GUCY1A2: variants seen among roughly 807,000 people sequenced by gnomAD.
GUCY1A2 encodes the protein guanylate cyclase soluble subunit alpha-2.
Under a neutral mutation model 63.5 loss-of-function variants are expected in GUCY1A2, and 27 were observed. The observed-to-expected ratio is 0.43, with a 90% CI of 0.31 to 0.59. GUCY1A2 has a LOEUF of 0.59. GUCY1A2 is among the 20% of genes least tolerant of loss of function. The pLI, the probability that GUCY1A2 is intolerant of heterozygous loss-of-function variation, is 0.11. For synonymous variants in GUCY1A2, 364 were observed against 343.5 expected (o/e 1.06, Z -0.66); for missense variants, 768 against 913.3 (o/e 0.84, Z 2.05).
At chr11:106,743,594 T>C (rs913460706) in intron 6 of GUCY1A2, among the ~76,000 whole-genome samples, 8 of 152,226 alleles carry the variant, frequency 5.3e-5, no homozygotes, top group Admixed American at 6.5e-5. Context: ...TTTCCATGAC[T>C]AGAGGGCGGG....
intron 3 of GUCY1A2, among the ~76,000 whole-genome samples, chr11:106,949,148 T>G (rs1343418111): frequency 6.6e-6 from 1 of 152,194 alleles, no homozygotes; most frequent in Non-Finnish European, 1.5e-5. Context: ...TGCTAGTCTC[T>G]CTATCCTAAA....
chr11:106,794,956 A>T (rs1006970483), intron 5 of GUCY1A2, among the ~76,000 whole-genome samples: 17 of 152,176 alleles, frequency 1.1e-4, no homozygotes, highest in African/African-American at 4.1e-4. Context: ...CTCCAGATGG[A>T]GTCAATTGCT....
intron 1 of GUCY1A2, among the ~76,000 whole-genome samples, chr11:107,009,738 C>A (rs531336005): frequency 6.6e-6 from 1 of 152,276 alleles, no homozygotes; most frequent in South Asian, 2.1e-4. Flanking sequence ...CCACCTTTAT[C>A]CCTAACCCAG....
rs544180593 is a variant in GUCY1A2, at chr11:107,007,422, C to T, written c.303+10331G>A. On this transcript the variant is annotated intron_variant, in intron 1 of 7. Coordinates refer to ENST00000526355, the MANE Select transcript of GUCY1A2 (RefSeq NM_000855.3). ...GTCTTTGGATTATTGCAGCTTTCCC[C>T]GTTTGGACATTCACTCATTATTCCT... 4.1e-4 allele frequency among the ~76,000 whole-genome samples: 62 copies of T among 152,272 alleles called. 2 individuals are homozygous for T. The South Asian group carries it at 0.011, about 28-fold the overall frequency.
intron 6 of GUCY1A2, among the ~76,000 whole-genome samples, chr11:106,731,105 T>C (rs1443994118): frequency 6.6e-6 from 1 of 152,056 alleles, no homozygotes; most frequent in Non-Finnish European, 1.5e-5. Flanking sequence ...TAATTAGATC[T>C]CCTTTGTCAA....
At chr11:106,823,233 T>C (rs1189822381) in intron 4 of GUCY1A2, among the ~76,000 whole-genome samples, 8 of 152,128 alleles carry the variant, frequency 5.3e-5, no homozygotes, top group Non-Finnish European at 1.0e-4. Flanking sequence ...TTTTCATTCC[T>C]CAGAGCCCTC....
intron 4 of GUCY1A2, among the ~76,000 whole-genome samples, chr11:106,828,316 T>A (rs1383642662): frequency 6.6e-6 from 1 of 152,058 alleles, no homozygotes; most frequent in Non-Finnish European, 1.5e-5. Context: ...TTTTTAAGGA[T>A]TTTTATAGTT....
intron 3 of GUCY1A2, among the ~76,000 whole-genome samples, chr11:106,958,844 C>T (rs982695393): frequency 6.6e-6 from 1 of 152,178 alleles, no homozygotes; most frequent in African/African-American, 2.4e-5. Context: ...CTAGCATATA[C>T]ACCTCAAACT....
At chr11:106,845,153 A>C (rs7943998) in intron 4 of GUCY1A2, among the ~76,000 whole-genome samples, 47,990 of 151,466 alleles carry the variant, frequency 0.32, 8,190 homozygotes, top group East Asian at 0.41. Flanking sequence ...TGTTTTGAAA[A>C]ATTATCAATG....
chr11:107,005,363 A>G (rs1861658648), intron 1 of GUCY1A2, among the ~76,000 whole-genome samples: 1 of 152,154 alleles, frequency 6.6e-6, no homozygotes, highest in African/African-American at 2.4e-5. Flanking sequence ...AGCCTTGACC[A>G]CATGGGCTCA....
At chr11:106,951,590 T>G (rs1201423503) in intron 3 of GUCY1A2, among the ~76,000 whole-genome samples, 1 of 152,242 alleles carries the variant, frequency 6.6e-6, no homozygotes, top group African/African-American at 2.4e-5. Context: ...TGGGGTTGTT[T>G]GGTTTTGTTT....
At chr11:106,911,704 G>T (rs1289457748) in intron 4 of GUCY1A2, among the ~76,000 whole-genome samples, 1 of 151,990 alleles carries the variant, frequency 6.6e-6, no homozygotes, top group Non-Finnish European at 1.5e-5. Flanking sequence ...CCTTATTTTT[G>T]TGTGTGCACA....
intron 4 of GUCY1A2, among the ~76,000 whole-genome samples, chr11:106,862,328 A>G (rs1457780584): frequency 3.3e-5 from 1 of 30,698 alleles, no homozygotes; most frequent in Non-Finnish European, 6.5e-5. Context: ...TGAATGAGAT[A>G]TAAAAAAAAC....
chr11:106,957,378 G>T (rs964523700), intron 3 of GUCY1A2, among the ~76,000 whole-genome samples: 2 of 152,158 alleles, frequency 1.3e-5, no homozygotes, highest in African/African-American at 4.8e-5. Flanking sequence ...CAGCTGAGAG[G>T]CTGTAAGAAT....
intron 4 of GUCY1A2, among the ~76,000 whole-genome samples, chr11:106,926,496 G>T (rs1183003873): frequency 6.7e-6 from 1 of 148,644 alleles, no homozygotes; most frequent in African/African-American, 2.5e-5. Context: ...CTTCAGGAAA[G>T]ATGAGGTCAG....
chr11:106,695,426 C>T (rs967113494), intron 7 of GUCY1A2, among the ~76,000 whole-genome samples: 1 of 152,096 alleles, frequency 6.6e-6, no homozygotes, highest in Non-Finnish European at 1.5e-5. Flanking sequence ...CATTTGGATT[C>T]TATTGTAATA....
At chr11:106,966,224 C>G (rs1456683553) in intron 3 of GUCY1A2, among the ~76,000 whole-genome samples, 1 of 152,150 alleles carries the variant, frequency 6.6e-6, no homozygotes, top group East Asian at 1.9e-4. Context: ...TCTCCTGCCT[C>G]AGCCTCCTGA....
chr11:106,703,295 G>C (rs1489737291), intron 7 of GUCY1A2, among the ~76,000 whole-genome samples: 2 of 152,058 alleles, frequency 1.3e-5, no homozygotes, highest in Admixed American at 6.6e-5. Flanking sequence ...TATTAGTTCT[G>C]TCCCTCTAGA....
intron 3 of GUCY1A2, among the ~76,000 whole-genome samples, chr11:106,967,987 A>G (rs1861147546): frequency 6.6e-6 from 1 of 152,192 alleles, no homozygotes; most frequent in African/African-American, 2.4e-5. Context: ...CAAGGCAACA[A>G]CCCACTTTCA....
Sources: gnomAD v4.1 joint callset for allele counts (sites outside exome capture counted in the v4.1 genomes callset) on GRCh38, gnomAD v4.1.1 for gene constraint, MANE v1.5 for transcripts, NCBI Gene and HGNC (gene_info 2026-07-23, HGNC 2026-07-21) for gene names.